LHFPL2: variants seen among roughly 807,000 people sequenced by gnomAD.
LHFPL2 encodes LHFPL tetraspan subfamily member 2.
In LHFPL2, 7 loss-of-function variants were observed where a neutral mutation model predicts 17.5. The observed-to-expected ratio is 0.40, with a 90% CI of 0.23 to 0.75. The LOEUF is 0.75. Ranked by LOEUF, LHFPL2 falls within the 30% of genes least tolerant of loss-of-function variation. The pLI is 0.37. For synonymous variants in LHFPL2, 134 were observed against 116.2 expected (o/e 1.15, Z -0.99); for missense variants, 241 against 294.8 (o/e 0.82, Z 1.34).
At chr5:78,637,404 A>C (rs1301923238) in intron 1 of LHFPL2, among the ~76,000 whole-genome samples, 1 of 152,078 alleles carries the variant, frequency 6.6e-6, no homozygotes, top group African/African-American at 2.4e-5. Flanking sequence ...GAGGGGGGGA[A>C]GCCTTCCCCT....
At chr5:78,619,638 C>T (rs1328573479) in intron 2 of LHFPL2, among the ~76,000 whole-genome samples, 2 of 123,578 alleles carry the variant, frequency 1.6e-5, no homozygotes, top group African/African-American at 3.0e-5. Context: ...TCTCCTAATG[C>T]TATCCCTCCC....
intron 3 of LHFPL2, among the ~76,000 whole-genome samples, chr5:78,524,820 T>C (rs987175761): frequency 6.6e-6 from 1 of 152,192 alleles, no homozygotes; most frequent in Non-Finnish European, 1.5e-5. Flanking sequence ...GTTTTCTCTT[T>C]GGAAACAGTT....
Position 78,488,561 on chromosome 5 carries a change from C to A in LHFPL2, c.*336G>T. On this transcript the variant is annotated 3_prime_UTR_variant, in exon 5 of 5. Coordinates refer to ENST00000380345, the MANE Select transcript of LHFPL2 (RefSeq NM_005779.3). Reference sequence around the variant, plus strand: ...AGAAACAGCCTGCAGATCTGGCGGACGGTCTCTTCCGTTACCAGAGAAACT... The same window carrying A: ...AGAAACAGCCTGCAGATCTGGCGGAAGGTCTCTTCCGTTACCAGAGAAACT... 3.6e-6 allele frequency: 1 copy of A among 279,280 alleles called. No individual in the cohort carries two copies. Among genetic ancestry groups the A allele is most frequent in the Middle Eastern group, 1.2e-3 (1 of 818 alleles). 17.3% of individuals were successfully genotyped at this position (279,280 alleles called of 1,614,324 possible).
At chr5:78,531,613 C>T (rs1755787320) in intron 3 of LHFPL2, among the ~76,000 whole-genome samples, 1 of 152,108 alleles carries the variant, frequency 6.6e-6, no homozygotes. Context: ...GTCTTACTCA[C>T]CCCACCTCAG....
rs149672448 is a variant in LHFPL2, at chr5:78,590,843, T to C, written c.-244-25972A>G. ...TTCTCTAAATGGATAATGCAGATCA[T>C]GTTTTTTGTTACCACTGGTTTATAG... On this transcript the variant is annotated intron_variant, in intron 2 of 4. Transcript: ENST00000380345. Among the ~76,000 whole-genome samples, 4 of 152,354 alleles carry C rather than the reference T, an allele frequency of 2.6e-5. No homozygotes were observed. The East Asian group carries it at 7.7e-4, about 29-fold the overall frequency.
intron 2 of LHFPL2, chr5:78,590,027 T>A (rs1743572791): frequency 6.6e-6 from 1 of 152,246 alleles, no homozygotes; most frequent in African/African-American, 2.4e-5. Context: ...TTAGTCTATG[T>A]AATTAGATAT....
intron 2 of LHFPL2, among the ~76,000 whole-genome samples, chr5:78,580,238 G>C (rs1743068593): frequency 1.3e-5 from 2 of 152,098 alleles, no homozygotes; most frequent in Admixed American, 1.3e-4. Context: ...GTAGATTTTG[G>C]ATATTAGCCC....
rs1409094036 is a variant in LHFPL2, at chr5:78,585,212, T to A, written c.-244-20341A>T. ...TAGTAGAGACGGGGTTTCACCGTTTTTAGCCGGGATGGTCTCGATATCCTG... is the reference window on the plus strand; with the variant it reads ...TAGTAGAGACGGGGTTTCACCGTTTATAGCCGGGATGGTCTCGATATCCTG... On this transcript the variant is annotated intron_variant, in intron 2 of 4. Coordinates refer to ENST00000380345, the MANE Select transcript of LHFPL2 (RefSeq NM_005779.3). Among the ~76,000 whole-genome samples, 2 of 94,960 alleles carry A rather than the reference T, an allele frequency of 2.1e-5. 1 individual carries two copies. The highest frequency in any genetic ancestry group is 5.4e-4 in the East Asian group (2 of 3,734). 62.3% of individuals were successfully genotyped at this position (94,960 alleles called of 152,430 possible).
chr5:78,568,157 C>T (rs537222987), intron 2 of LHFPL2, among the ~76,000 whole-genome samples: 5 of 152,262 alleles, frequency 3.3e-5, no homozygotes, highest in Admixed American at 3.3e-4. Context: ...TATTCACTTA[C>T]TGGTTGTTAA....
At chr5:78,548,004 A>G (rs757193913) in intron 3 of LHFPL2, among the ~76,000 whole-genome samples, 28 of 152,266 alleles carry the variant, frequency 1.8e-4, no homozygotes, top group Non-Finnish European at 3.5e-4. Context: ...ATTCGGAAAC[A>G]GATTTACAAA....
rs1288612897 is a variant in LHFPL2, at chr5:78,534,136, C to A, written c.-185-23738G>T. Among the ~76,000 whole-genome samples the A allele has an allele frequency of 2.6e-5, 4 of 152,204 alleles. No homozygotes were observed. The South Asian group carries it at 6.2e-4, about 24-fold the overall frequency. On this transcript the variant is annotated intron_variant, in intron 3 of 4. Coordinates refer to ENST00000380345, the MANE Select transcript of LHFPL2 (RefSeq NM_005779.3). ...GCCCCAGGAGGGTACATGTCGGAGG[C>A]TCTCAGGGGTCCAGAGACCTGGCTG...
At chr5:78,544,437 T>C (rs970649468) in intron 3 of LHFPL2, among the ~76,000 whole-genome samples, 1 of 152,156 alleles carries the variant, frequency 6.6e-6, no homozygotes, top group Non-Finnish European at 1.5e-5. Flanking sequence ...CACTCCTGAA[T>C]TGACATAGTA....
At chr5:78,508,522 C>T (rs1055734634) in intron 4 of LHFPL2, among the ~76,000 whole-genome samples, 1 of 152,196 alleles carries the variant, frequency 6.6e-6, no homozygotes, top group African/African-American at 2.4e-5. Flanking sequence ...ACACAGGGGC[C>T]TCCTAAGATC....
intron 1 of LHFPL2, among the ~76,000 whole-genome samples, chr5:78,641,007 AAG>A (rs1480263244): frequency 6.6e-6 from 1 of 152,220 alleles, no homozygotes; most frequent in East Asian, 1.9e-4. Flanking sequence ...ACATGAAAAC[AAG>A]AGTTAGTTAT....
intron 2 of LHFPL2, among the ~76,000 whole-genome samples, chr5:78,619,297 G>A (rs60479370): frequency 0.013 from 1,976 of 152,084 alleles, 41 homozygotes; most frequent in African/African-American, 0.043. Context: ...CAAAGTGCTG[G>A]GATTACAGGA....
chr5:78,551,394 G>A (rs1423102482), intron 3 of LHFPL2, among the ~76,000 whole-genome samples: 1 of 152,192 alleles, frequency 6.6e-6, no homozygotes, highest in Non-Finnish European at 1.5e-5. Flanking sequence ...AGATCAGTCA[G>A]TCCAAGACTT....
chr5:78,642,598 G>A (rs556397572), intron 1 of LHFPL2, among the ~76,000 whole-genome samples: 1 of 152,194 alleles, frequency 6.6e-6, no homozygotes, highest in East Asian at 1.9e-4. Context: ...ACCTCAACAC[G>A]CCAAGCAAGA....
At chr5:78,525,362 G>A (rs1022775711) in intron 3 of LHFPL2, among the ~76,000 whole-genome samples, 7 of 152,200 alleles carry the variant, frequency 4.6e-5, no homozygotes, top group Non-Finnish European at 8.8e-5. Context: ...CATGTAAAGT[G>A]CTTTGCATAA....
rs1161107048 is a variant in LHFPL2 at position 78,486,993 on chromosome 5, C to A, written c.*1904G>T. ...GTACACACAGAGACAGAAGCTTTGT[C>A]CAGTGGCTCCTCCAGCCTCTTTCTG... On this transcript the variant is annotated 3_prime_UTR_variant, in exon 5 of 5. Transcript: ENST00000380345. 1 of 152,168 alleles carries A rather than the reference C, an allele frequency of 6.6e-6. No individual in the cohort carries two copies. The highest frequency in any genetic ancestry group is 1.5e-5 in the Non-Finnish European group (1 of 68,028). The allele number at this position is 152,168 out of a possible 1,614,324, so 9.4% of individuals were successfully genotyped here.
Sources: allele counts gnomAD v4.1 joint callset (sites outside exome capture counted in the v4.1 genomes callset), GRCh38; gene constraint gnomAD v4.1.1; transcripts MANE v1.5; gene names NCBI Gene and HGNC (gene_info 2026-07-23, HGNC 2026-07-21).